ADAMTS5: variants seen among roughly 807,000 people sequenced by gnomAD.
ADAMTS5 encodes A disintegrin and metalloproteinase with thrombospondin motifs 5.
In ADAMTS5, 54 loss-of-function variants were observed where a neutral mutation model predicts 81.4. That is an observed-to-expected ratio of 0.66 (90% CI 0.53 to 0.83). The LOEUF (loss-of-function observed/expected upper bound fraction) is 0.83, where lower values mean the gene tolerates loss of function less well. Among genes scored for constraint, ADAMTS5 ranks in the 40% least tolerant of loss-of-function variants. The probability of loss-of-function intolerance (pLI) is 0.00; values close to 1 mark genes in which losing one functional copy is unlikely to be tolerated. For synonymous variants in ADAMTS5, 532 were observed against 508.8 expected, an observed-to-expected ratio of 1.05 and a Z score of -0.61; for missense variants, 1,194 against 1,229.9, an observed-to-expected ratio of 0.97 and a Z score of 0.44.
At chr21:26,944,587 A>G (rs997345316) in intron 2 of ADAMTS5, among the ~76,000 whole-genome samples, 2 of 152,216 alleles carry the variant, frequency 1.3e-5, no homozygotes, top group Non-Finnish European at 2.9e-5. Context: ...AAAAGTAGAC[A>G]GCAAATCATC....
chr21:26,946,593 G>A (rs1273079921), intron 2 of ADAMTS5, among the ~76,000 whole-genome samples: 1 of 152,178 alleles, frequency 6.6e-6, no homozygotes, highest in Non-Finnish European at 1.5e-5. Flanking sequence ...GTGGTTTGGA[G>A]ATTAAGCATT....
chr21:26,966,966 A>C lies in ADAMTS5; in HGVS notation c.-575T>G, dbSNP rs951492157. Among the ~76,000 whole-genome samples the C allele has an allele frequency of 5.9e-5, 9 of 152,102 alleles. No individual in the cohort carries two copies. Among genetic ancestry groups the C allele is most frequent in the Non-Finnish European group, 1.2e-4 (8 of 68,010 alleles). On this transcript the variant is annotated 5_prime_UTR_variant, in exon 1 of 8. Transcript: ENST00000284987. Reference sequence around the variant, plus strand: ...GCCGTAAAAATTAAAACAAAAATGCAGGGGGGCAGCCTGAGGCGAGCTGGT... The same window carrying C: ...GCCGTAAAAATTAAAACAAAAATGCCGGGGGGCAGCCTGAGGCGAGCTGGT...
At chr21:26,952,444 A>G (rs1987338433) in intron 2 of ADAMTS5, among the ~76,000 whole-genome samples, 1 of 152,322 alleles carries the variant, frequency 6.6e-6, no homozygotes, top group South Asian at 2.1e-4. Context: ...TTGTAACCCA[A>G]GATTGCCTTA....
chr21:26,934,207 A>T (rs929839276), intron 4 of ADAMTS5, among the ~76,000 whole-genome samples: 2 of 152,232 alleles, frequency 1.3e-5, no homozygotes, highest in Non-Finnish European at 2.9e-5. Flanking sequence ...GGTCTCAATT[A>T]GACAGAATCT....
In ADAMTS5 at chr21:26,918,495, A is replaced by C. The variant is rs576131944; in HGVS notation, c.*5558T>G. The C allele has an allele frequency of 1.3e-5, 2 of 152,188 alleles. No individual in the cohort carries two copies. The highest frequency in any genetic ancestry group is 1.3e-4 in the Admixed American group (2 of 15,272). The allele number at this position is 152,188 out of a possible 1,614,324, so 9.4% of individuals were successfully genotyped here. A position where few individuals can be genotyped will look rare whatever the true frequency, so the allele number is the denominator to read the frequency against. On this transcript the variant is annotated 3_prime_UTR_variant, in exon 8 of 8. Coordinates refer to ENST00000284987, the MANE Select transcript of ADAMTS5 (RefSeq NM_007038.5). ...TATCTGCAAAGTCTATTTACAAAGC[A>C]TATGTATGATTTCCTCTGACTAATA...
chr21:26,953,302 T>C (rs1350221156), intron 2 of ADAMTS5, among the ~76,000 whole-genome samples: 1 of 152,210 alleles, frequency 6.6e-6, no homozygotes, highest in Non-Finnish European at 1.5e-5. Context: ...GCCTAATCAA[T>C]AAAACACTGA....
chr21:26,932,175 T>C lies in ADAMTS5; in HGVS notation c.1878A>G (p.Lys626=), dbSNP rs1242510390. The C allele has an allele frequency of 1.2e-6, 2 of 1,612,528 alleles. No homozygotes were observed. Among genetic ancestry groups the C allele is most frequent in the African/African-American group, 1.3e-5 (1 of 74,910 alleles). ...CSLMPCPPNG[K]SFRHEQCEAK... ...CCTCACACTGTTCATGACGAAATGA[T>C]TTACCTAGAAAACAAACATGTTTCA... The change falls in exon 6 of 8, where the codon AAA becomes AAG. Residue 626 remains lysine, a synonymous_variant. Coordinates refer to ENST00000284987, the MANE Select transcript of ADAMTS5 (RefSeq NM_007038.5).
At chr21:26,929,859 A>C in intron 7 of ADAMTS5, 27 bp downstream of exon 7, 1 of 1,603,602 alleles carries the variant, frequency 6.2e-7, no homozygotes. Flanking sequence ...TTCAATTCAC[A>C]TAAAGACAAA....
chr21:26,961,922 G>T lies in ADAMTS5; in HGVS notation c.1104+3366C>A, dbSNP rs182620106. Among the ~76,000 whole-genome samples, 558 of 152,260 alleles carry T rather than the reference G, an allele frequency of 3.7e-3. 2 individuals carry two copies. Among genetic ancestry groups the T allele is most frequent in the Non-Finnish European group, 5.6e-3 (378 of 68,026 alleles). On this transcript the variant is annotated intron_variant, in intron 1 of 7. Coordinates refer to ENST00000284987, the MANE Select transcript of ADAMTS5 (RefSeq NM_007038.5). ...TTGTCAGAATCAAGCCAGGAGCCAC[G>T]TGGTAAAGGAGAAATGCCGTGTGGG...
intron 2 of ADAMTS5, 145 bp downstream of exon 2, chr21:26,954,594 T>C (rs1987384490): frequency 1.6e-6 from 2 of 1,245,074 alleles, no homozygotes; most frequent in Admixed American, 5.5e-5. Flanking sequence ...TAGTTAACCT[T>C]AAAAGTGCAG....
intron 7 of ADAMTS5, among the ~76,000 whole-genome samples, chr21:26,928,208 A>G (rs967855361): frequency 6.6e-6 from 1 of 152,196 alleles, no homozygotes; most frequent in Non-Finnish European, 1.5e-5. Flanking sequence ...TCACATGTCT[A>G]AGGAATCATT....
Position 26,954,842 on chromosome 21 carries a change from G to A in ADAMTS5, c.1134C>T (p.Thr378=). The change falls in exon 2 of 8, where the codon ACC becomes ACT. Residue 378 remains threonine (T), a synonymous_variant. Coordinates refer to ENST00000284987, the MANE Select transcript of ADAMTS5 (RefSeq NM_007038.5). ...TGGTCCCAACGTCTGCCATTCCCAG[G>A]GTGTCACATGAATGATGCCCACATA... ...EDLCGHHSCD[T]LGMADVGTIC... The A allele has an allele frequency of 6.2e-7, 1 of 1,613,904 alleles. No homozygotes were observed.
intron 1 of ADAMTS5, among the ~76,000 whole-genome samples, chr21:26,960,147 C>T (rs138663204): frequency 4.5e-4 from 69 of 152,300 alleles, no homozygotes; most frequent in African/African-American, 1.5e-3. Flanking sequence ...CTCTTCCTAA[C>T]ATTTCTTGAC....
In ADAMTS5 at chr21:26,920,711, C is replaced by T. The variant is rs1339557492; in HGVS notation, c.*3342G>A. ...GGAAGCTTCTAGGCTATTTGTGTAC[C>T]CAAATTTAAAACTTGCACCTTGTTT... On this transcript the variant is annotated 3_prime_UTR_variant, in exon 8 of 8. Transcript: ENST00000284987. 1 of 151,850 alleles carries T rather than the reference C, an allele frequency of 6.6e-6. No homozygotes were observed. Among genetic ancestry groups the T allele is most frequent in the Non-Finnish European group, 1.5e-5 (1 of 67,936 alleles). 9.4% of individuals were successfully genotyped at this position (151,850 alleles called of 1,614,324 possible). A position where few individuals can be genotyped will look rare whatever the true frequency, so the allele number is the denominator to read the frequency against.
intron 3 of ADAMTS5, 74 bp from the exon 4 acceptor site, chr21:26,934,823 G>A: frequency 1.3e-6 from 2 of 1,559,948 alleles, no homozygotes; most frequent in Non-Finnish European, 1.7e-6. Context: ...ATCTAAAAAT[G>A]AAATGCCCCG....
At chr21:26,947,531 T>G (rs532388510) in intron 2 of ADAMTS5, among the ~76,000 whole-genome samples, 2 of 152,228 alleles carry the variant, frequency 1.3e-5, no homozygotes, top group South Asian at 4.2e-4. Context: ...CCTCCCGGGT[T>G]CAAGTGATTC....
chr21:26,947,798 G>A (rs1987244729), intron 2 of ADAMTS5, among the ~76,000 whole-genome samples: 2 of 152,180 alleles, frequency 1.3e-5, no homozygotes, highest in Non-Finnish European at 2.9e-5. Flanking sequence ...GTTAGATGAT[G>A]TTGACCTATT....
At chr21:26,929,757 GT>G (rs1986870843) in intron 7 of ADAMTS5, 128 bp downstream of exon 7, 2 of 791,122 alleles carry the variant, frequency 2.5e-6, no homozygotes, top group East Asian at 6.0e-5. Flanking sequence ...TTTAAAATGT[GT>G]TTCTAGAGCC....
chr21:26,918,588 C>T lies in ADAMTS5; in HGVS notation c.*5465G>A, dbSNP rs981783076. The T allele has an allele frequency of 2.0e-5, 3 of 151,916 alleles. No individual in the cohort carries two copies. Among genetic ancestry groups the T allele is most frequent in the Non-Finnish European group, 4.4e-5 (3 of 67,922 alleles). The allele number at this position is 151,916 out of a possible 1,614,324, so 9.4% of individuals were successfully genotyped here. A position where few individuals can be genotyped will look rare whatever the true frequency, so the allele number is the denominator to read the frequency against. On this transcript the variant is annotated 3_prime_UTR_variant, in exon 8 of 8. Transcript: ENST00000284987. The stretch of plus-strand genomic sequence containing the variant: ...TAGCAAGATGAGCCATCAAGGTTTA[C>T]GTTGTGCCTGAGTGTATAATGCAAA...
Sources: allele counts gnomAD v4.1 joint callset (sites outside exome capture counted in the v4.1 genomes callset), GRCh38; gene constraint gnomAD v4.1.1; transcripts MANE v1.5; gene names NCBI Gene and HGNC (gene_info 2026-07-23, HGNC 2026-07-21).